Variants in MYH14 observed in about 807,000 individuals in gnomAD.
MYH14 encodes the protein myosin heavy chain 14, also known as myosin-14.
MYH14 carries 123 observed loss-of-function variants against 255.5 expected under a neutral mutation model. The ratio of observed to expected loss-of-function variants is 0.48; its 90% CI spans 0.42 to 0.56. The LOEUF is 0.56. MYH14 is among the 20% of genes least tolerant of loss of function. MYH14 has a pLI of 0.00. For missense variants in MYH14, 2,423 were observed against 2,802.3 expected, an observed-to-expected ratio of 0.86 and a Z score of 3.06; for synonymous variants, 1,095 against 1,161.2, an observed-to-expected ratio of 0.94 and a Z score of 1.16.
chr19:50,223,367 G>A lies in MYH14; in HGVS notation c.693+18G>A, dbSNP rs749876893. The A allele has an allele frequency of 3.3e-6, 5 of 1,532,176 alleles. No homozygotes were observed. In the Admixed American group the frequency reaches 7.8e-5, roughly 24 times the overall value. 94.9% of individuals were successfully genotyped at this position (1,532,176 alleles called of 1,614,324 possible). On this transcript the variant is annotated intron_variant, in intron 5 of 42. Coordinates refer to ENST00000642316, the MANE Select transcript of MYH14 (RefSeq NM_001145809.2). ...GTGTCCCCGTAAGCAACCCCGCCTT[G>A]GGTCACCCCCGGGCCCTGCCACAGC... is the stretch of plus-strand genomic sequence containing the variant.
At chr19:50,249,351 T>C in intron 13 of MYH14, 2 of 635,476 alleles carry the variant, frequency 3.1e-6, no homozygotes, top group South Asian at 2.1e-5. Context: ...TGGGTCTCTG[T>C]CCCCTGTCTC....
rs559910733 is a variant in MYH14, at chr19:50,286,644, C to T, written c.4702C>T (p.Arg1568Trp). The T allele has an allele frequency of 7.6e-6, 12 of 1,589,316 alleles. No homozygotes were observed. The highest frequency in any genetic ancestry group is 2.7e-5 in the African/African-American group (2 of 74,734). ...GCTGGAGCGGCAGAACCGGGCCCTG[C>T]GGGCTGAGCTGGAGGCACTGCTGAG... ...EELERQNRALRAELEALLSSK... is the reference protein window; with the variant it reads ...EELERQNRALWAELEALLSSK... The change falls in exon 34 of 43, where the codon CGG (arginine) becomes TGG (tryptophan). Residue 1568 changes from arginine to tryptophan, a missense_variant. Around this residue, in one of 3 missense-constraint regions of MYH14, gnomAD observed 1,513 missense variants for 1,674.8 expected, o/e 0.90. Transcript: ENST00000642316.
At chr19:50,225,185 A>G (rs2033031135) in intron 6 of MYH14, among the ~76,000 whole-genome samples, 1 of 152,142 alleles carries the variant, frequency 6.6e-6, no homozygotes, top group Non-Finnish European at 1.5e-5. Flanking sequence ...AGTGCCTTAC[A>G]CTGTTGACAG....
chr19:50,225,602 G>A lies in MYH14; in HGVS notation c.735G>A (p.Gln245=). Reference sequence around the variant, plus strand: ...CCCGGCAGGGTGAGCTGGAGCGGCAGCTGCTTCAGGCCAACCCCATCCTAG... The same window carrying A: ...CCCGGCAGGGTGAGCTGGAGCGGCAACTGCTTCAGGCCAACCCCATCCTAG... The part of the protein sequence containing the change: ...STVSYGELER[Q]LLQANPILEA... The change falls in exon 7 of 43, where the codon CAG becomes CAA. Residue 245 remains glutamine (Q), a synonymous_variant. Transcript: ENST00000642316. 2 of 1,613,176 alleles carry A rather than the reference G, an allele frequency of 1.2e-6. No homozygotes were observed. The highest frequency in any genetic ancestry group is 1.7e-6 in the Non-Finnish European group (2 of 1,179,746).
At chr19:50,270,746 G>C (rs545007784) in intron 24 of MYH14, among the ~76,000 whole-genome samples, 16 of 151,238 alleles carry the variant, frequency 1.1e-4, no homozygotes, top group East Asian at 3.9e-4. Context: ...CCAGGCTGGA[G>C]TGCAGTGGCG....
At chr19:50,301,580 A>G (rs1452589066) in intron 39 of MYH14, 81 bp from the exon 40 acceptor site, 3 of 1,048,670 alleles carry the variant, frequency 2.9e-6, no homozygotes, top group Non-Finnish European at 4.4e-6. Flanking sequence ...AGTGCACTTA[A>G]TTCTCAGAGG....
intron 30 of MYH14, 81 bp from the exon 31 acceptor site, chr19:50,279,956 G>A: frequency 1.0e-6 from 1 of 970,660 alleles, no homozygotes; most frequent in Admixed American, 2.0e-5. Context: ...ATTCCTGCCA[G>A]TGTGGTAGAG....
chr19:50,263,472 G>A, intron 22 of MYH14, 52 bp downstream of exon 22: 1 of 1,351,708 alleles, frequency 7.4e-7, no homozygotes, highest in Non-Finnish European at 1.0e-6. Context: ...AGGGCCTTGG[G>A]GCTTGGTCTG....
chr19:50,231,832 G>A, intron 9 of MYH14, 98 bp from the exon 10 acceptor site: 1 of 1,518,800 alleles, frequency 6.6e-7, no homozygotes, highest in Non-Finnish European at 9.0e-7. Flanking sequence ...ACTTGACAGT[G>A]AGGATATGGC....
chr19:50,289,679 A>G, intron 35 of MYH14, 31 bp downstream of exon 35: 1 of 1,574,882 alleles, frequency 6.3e-7, no homozygotes. Context: ...ACAGGGTGCC[A>G]GTCCAGCTGG....
At chr19:50,263,018 G>C (rs2034943831) in intron 21 of MYH14, among the ~76,000 whole-genome samples, 1 of 152,002 alleles carries the variant, frequency 6.6e-6, no homozygotes, top group Non-Finnish European at 1.5e-5. Context: ...CGGCCAACAT[G>C]GCAAAACCCC....
chr19:50,299,306 A>G (rs755808983), intron 39 of MYH14, among the ~76,000 whole-genome samples: 87 of 152,274 alleles, frequency 5.7e-4, no homozygotes, highest in Non-Finnish European at 1.1e-3. Context: ...GCAGTGGCTC[A>G]CATCTGTGAT....
chr19:50,283,125 A>AT (rs5828430), intron 33 of MYH14, among the ~76,000 whole-genome samples: 53,553 of 148,664 alleles, frequency 0.36, 10,281 homozygotes, highest in African/African-American at 0.51. Context: ...ACTCAAAATA[A>AT]TTTTTTTTTT....
rs778739770 is a variant in MYH14, at chr19:50,273,290, CAAAA to C, written c.3467+582_3467+585del. ...TGGGCAACAGAGCAAGACTATGTCT[CAAAA>C]AAAAAAAAAAAAAAAAAAAAAAGAG... On this transcript the variant is annotated intron_variant, in intron 27 of 42. Transcript: ENST00000642316. Among the ~76,000 whole-genome samples, 719 of 78,562 alleles carry C rather than the reference CAAAA, an allele frequency of 9.2e-3. 8 individuals are homozygous for C. The highest frequency in any genetic ancestry group is 0.036 in the African/African-American group (684 of 18,930). 51.5% of individuals were successfully genotyped at this position (78,562 alleles called of 152,430 possible). A position where few individuals can be genotyped will look rare whatever the true frequency, so the allele number is the denominator to read the frequency against.
At chr19:50,265,878 G>A (rs1199418248) in intron 22 of MYH14, among the ~76,000 whole-genome samples, 1 of 152,024 alleles carries the variant, frequency 6.6e-6, no homozygotes, top group East Asian at 1.9e-4. Context: ...AGCCAGGGTG[G>A]CCTGTAAAAT....
At chr19:50,296,735 T>C (rs529769523) in intron 39 of MYH14, among the ~76,000 whole-genome samples, 52 of 152,252 alleles carry the variant, frequency 3.4e-4, no homozygotes, top group African/African-American at 1.1e-3. Flanking sequence ...GCAGGAAAGA[T>C]AGTATAGTTA....
intron 40 of MYH14, among the ~76,000 whole-genome samples, chr19:50,305,480 G>A (rs1263731899): frequency 6.6e-6 from 1 of 152,026 alleles, no homozygotes; most frequent in East Asian, 1.9e-4. Context: ...AGAAGGAAAC[G>A]GCCCCAGAGG....
chr19:50,250,150 G>A lies in MYH14; in HGVS notation c.1656+327G>A, dbSNP rs1379510815. 6.6e-6 allele frequency among the ~76,000 whole-genome samples: 1 copy of A among 152,212 alleles called. No individual in the cohort carries two copies. Among genetic ancestry groups the A allele is most frequent in the Non-Finnish European group, 1.5e-5 (1 of 68,044 alleles). On this transcript the variant is annotated intron_variant, in intron 14 of 42. Transcript: ENST00000642316. This position sits in a 1 kb window ranked among gnomAD's most constrained non-coding sequence, Gnocchi z 5.4. Reference sequence around the variant, plus strand: ...GAGTCTCGCTCTATCGCCCAGGCTGGAGTGCAGCGGCGCGATCTCTGCTTA... The same window carrying A: ...GAGTCTCGCTCTATCGCCCAGGCTGAAGTGCAGCGGCGCGATCTCTGCTTA...
At chr19:50,292,015 A>T (rs776771390) in intron 36 of MYH14, among the ~76,000 whole-genome samples, 1 of 152,220 alleles carries the variant, frequency 6.6e-6, no homozygotes, top group Non-Finnish European at 1.5e-5. Flanking sequence ...AGGCTCCATC[A>T]GGCTTCCAGC....
Sources: gnomAD v4.1 joint callset for allele counts (sites outside exome capture counted in the v4.1 genomes callset) on GRCh38, gnomAD v4.1.1 for gene constraint, gnomAD v4.1.1 regional missense constraint, Gnocchi (gnomAD v3.1) non-coding constraint, MANE v1.5 for transcripts, NCBI Gene and HGNC (gene_info 2026-07-23, HGNC 2026-07-21) for gene names.